Variants in DAB1 observed in about 807,000 individuals in gnomAD.
DAB1 encodes the protein disabled homolog 1.
A neutral mutation model predicts 64.6 loss-of-function variants in DAB1; 15 were observed. That is an observed-to-expected ratio of 0.23 (90% CI 0.16 to 0.36). The LOEUF (loss-of-function observed/expected upper bound fraction) is 0.36. Ranked by LOEUF, DAB1 falls within the 10% of genes least tolerant of loss-of-function variation. The pLI is 1.00. For missense variants in DAB1, 596 were observed against 706.7 expected, an observed-to-expected ratio of 0.84 and a Z score of 1.78; for synonymous variants, 235 against 251.9, an observed-to-expected ratio of 0.93 and a Z score of 0.64.
intron 2 of DAB1, among the ~76,000 whole-genome samples, chr1:57,211,548 T>A (rs1011913751): frequency 6.6e-6 from 1 of 152,178 alleles, no homozygotes; most frequent in Admixed American, 6.5e-5. Context: ...CACTTAACCC[T>A]TGTGTCTCCA....
At chr1:58,016,909 C>A (rs1405487663) in intron 5 of DAB1, among the ~76,000 whole-genome samples, 1 of 152,162 alleles carries the variant, frequency 6.6e-6, no homozygotes, top group African/African-American at 2.4e-5. Context: ...CTCCTACTTG[C>A]CAGCCTCTAC....
At chr1:57,241,132 G>C (rs1668465293) in intron 2 of DAB1, among the ~76,000 whole-genome samples, 1 of 152,184 alleles carries the variant, frequency 6.6e-6, no homozygotes, top group South Asian at 2.1e-4. Context: ...CCAGTACTTA[G>C]TAAGGTATTT....
Position 57,958,408 on chromosome 1 carries a change from C to T in DAB1, n.388-74246G>A, listed in dbSNP as rs149779242. Among the ~76,000 whole-genome samples, 900 of 152,238 alleles carry T rather than the reference C, an allele frequency of 5.9e-3. 5 individuals are homozygous for T. The highest frequency in any genetic ancestry group is 0.021 in the African/African-American group (863 of 41,546). ...GATATGCCAGACACTGATATAAATG[C>T]CAGGCACCACAGTGAATACAACCAA... On this transcript the variant is annotated intron_variant and non_coding_transcript_variant, in intron 5 of 20. Transcript: ENST00000485760.
intron 4 of DAB1, among the ~76,000 whole-genome samples, chr1:58,323,511 G>A (rs17117312): frequency 0.061 from 9,209 of 151,936 alleles, 675 homozygotes; most frequent in East Asian, 0.24. Flanking sequence ...TCCTTAAGAG[G>A]CATCATAACA....
At chr1:57,522,499 G>C (rs1644539983) in intron 7 of DAB1, among the ~76,000 whole-genome samples, 1 of 152,108 alleles carries the variant, frequency 6.6e-6, no homozygotes, top group Non-Finnish European at 1.5e-5. Context: ...CCTGAGACTG[G>C]GTAATTTATA....
chr1:57,085,557 G>A (rs923443064), intron 4 of DAB1, among the ~76,000 whole-genome samples: 4 of 152,164 alleles, frequency 2.6e-5, no homozygotes, highest in Admixed American at 1.3e-4. Context: ...CCTTGCCTCC[G>A]AGGAGCTCAC....
intron 1 of DAB1, among the ~76,000 whole-genome samples, chr1:57,866,592 C>A (rs143185082): frequency 1.7e-3 from 258 of 152,216 alleles, no homozygotes; most frequent in South Asian, 2.7e-3. Context: ...GCTATCTAAC[C>A]CAGAGGAAGT....
chr1:58,304,029 A>G (rs1170340511), intron 4 of DAB1, among the ~76,000 whole-genome samples: 2 of 152,148 alleles, frequency 1.3e-5, no homozygotes, highest in African/African-American at 4.8e-5. Context: ...TTTTGATTAT[A>G]TTAGCCTTGC....
intron 5 of DAB1, among the ~76,000 whole-genome samples, chr1:58,074,105 T>C (rs1570316203): frequency 6.6e-6 from 1 of 152,310 alleles, no homozygotes; most frequent in South Asian, 2.1e-4. Flanking sequence ...TGTTTAAGTC[T>C]CTTTGAGTTG....
intron 2 of DAB1, among the ~76,000 whole-genome samples, chr1:57,242,313 T>G (rs1484637659): frequency 6.6e-6 from 1 of 152,198 alleles, no homozygotes; most frequent in Admixed American, 6.5e-5. Flanking sequence ...GGTGCTTTTC[T>G]TCTGCCTTTC....
At chr1:57,238,838 T>TGC (rs1316572825) in intron 2 of DAB1, among the ~76,000 whole-genome samples, 249 of 96,942 alleles carry the variant, frequency 2.6e-3, no homozygotes, top group Non-Finnish European at 3.8e-3. Flanking sequence ...CGTGTGCACA[T>TGC]GCGCACACAC....
intron 5 of DAB1, among the ~76,000 whole-genome samples, chr1:58,024,560 T>C (rs1301289168): frequency 6.6e-6 from 1 of 152,248 alleles, no homozygotes; most frequent in Non-Finnish European, 1.5e-5. Flanking sequence ...GTAATATAGA[T>C]AATGATGATT....
intron 5 of DAB1, among the ~76,000 whole-genome samples, chr1:57,991,401 G>A (rs1646336457): frequency 6.6e-6 from 1 of 152,198 alleles, no homozygotes; most frequent in Non-Finnish European, 1.5e-5. Context: ...GCCAGGCATT[G>A]TTCTGGGGAT....
chr1:58,283,287 A>G (rs1661608284), intron 4 of DAB1, among the ~76,000 whole-genome samples: 1 of 152,158 alleles, frequency 6.6e-6, no homozygotes, highest in Non-Finnish European at 1.5e-5. Flanking sequence ...TCAGCAGAGG[A>G]GTAGAAAATA....
At chr1:58,082,515 A>G (rs1218196986) in intron 5 of DAB1, among the ~76,000 whole-genome samples, 1 of 152,134 alleles carries the variant, frequency 6.6e-6, no homozygotes, top group Non-Finnish European at 1.5e-5. Flanking sequence ...TTGTAGCATA[A>G]AGGTAGCTAA....
intron 6 of DAB1, among the ~76,000 whole-genome samples, chr1:57,810,272 A>G (rs1458008616): frequency 1.3e-5 from 2 of 152,168 alleles, no homozygotes; most frequent in Non-Finnish European, 2.9e-5. Flanking sequence ...AAGAGGGCCT[A>G]TTGCCTGTTG....
chr1:57,818,711 T>C (rs1372867568), intron 6 of DAB1, among the ~76,000 whole-genome samples: 1 of 151,074 alleles, frequency 6.6e-6, no homozygotes, highest in Admixed American at 6.6e-5. Context: ...TAGCTTAAAC[T>C]TGAATATATA....
intron 5 of DAB1, among the ~76,000 whole-genome samples, chr1:57,970,207 T>C (rs1645765121): frequency 6.6e-6 from 1 of 152,208 alleles, no homozygotes; most frequent in Non-Finnish European, 1.5e-5. Flanking sequence ...TATGGTAGTT[T>C]GTTACAGCAA....
chr1:57,816,134 G>A (rs1033441824), intron 6 of DAB1, among the ~76,000 whole-genome samples: 5 of 152,204 alleles, frequency 3.3e-5, no homozygotes, highest in African/African-American at 1.2e-4. Context: ...TGCTCTGGGA[G>A]ATCCATAAAC....
Sources: gnomAD v4.1 joint callset for allele counts (sites outside exome capture counted in the v4.1 genomes callset) on GRCh38, gnomAD v4.1.1 for gene constraint, MANE v1.5 for transcripts, NCBI Gene and HGNC (gene_info 2026-07-23, HGNC 2026-07-21) for gene names.